Variants in TTC23 observed in about 807,000 individuals in gnomAD.
The protein encoded by TTC23 is tetratricopeptide repeat domain 23, also known as tetratricopeptide repeat protein 23.
In TTC23, 58 loss-of-function variants were observed where a neutral mutation model predicts 55.1. The ratio of observed to expected loss-of-function variants is 1.05; its 90% CI spans 0.85 to 1.31. The LOEUF is 1.31. Ranked by LOEUF, TTC23 falls within the 50% of genes most tolerant of loss-of-function variation. The pLI, the probability that TTC23 is intolerant of heterozygous loss-of-function variation, is 0.00. For synonymous variants in TTC23, 203 were observed against 199.9 expected (o/e 1.02, Z -0.13); for missense variants, 516 against 534.4 (o/e 0.97, Z 0.34).
At chr15:99,154,531 C>T (rs782198353) in intron 12 of TTC23, among the ~76,000 whole-genome samples, 1 of 152,130 alleles carries the variant, frequency 6.6e-6, no homozygotes, top group Non-Finnish European at 1.5e-5. Context: ...TTGCTTTCTG[C>T]CAAGGGATGA....
At chr15:99,164,811 C>G (rs865827394) in intron 10 of TTC23, among the ~76,000 whole-genome samples, 13 of 152,166 alleles carry the variant, frequency 8.5e-5, no homozygotes, top group African/African-American at 3.1e-4. Flanking sequence ...GTACAGCTCT[C>G]TAGAACACAC....
At chr15:99,232,344 T>C (rs1218673027) in intron 4 of TTC23, among the ~76,000 whole-genome samples, 4 of 151,454 alleles carry the variant, frequency 2.6e-5, no homozygotes, top group Non-Finnish European at 5.9e-5. Context: ...CTGGGCGTGG[T>C]GGCACATGCC....
chr15:99,170,896 G>T lies in TTC23; in HGVS notation c.865+4154C>A, dbSNP rs930574208. On this transcript the variant is annotated intron_variant, in intron 10 of 13. Coordinates refer to ENST00000394132, the MANE Select transcript of TTC23 (RefSeq NM_001288615.3). ...CACGTGCAACACGTGCTGGCCTGGG[G>T]AGCTCTTTTCCAGCCTTTCCCACAT... 3.0e-4 allele frequency among the ~76,000 whole-genome samples: 46 copies of T among 152,364 alleles called. 1 individual carries two copies. The highest frequency in any genetic ancestry group is 1.1e-3 in the African/African-American group (44 of 41,590).
Position 99,218,662 on chromosome 15 carries a change from C to T in TTC23, c.507G>A (p.Glu169=). ...NLTKAERLSK[E]LLQCGRIIKE... Reference sequence around the variant, plus strand: ...TTATAATTCTTCCACATTGTAGCAGCTCCTTTGAAAGTCTCTCTGCTTTTG... The same window carrying T: ...TTATAATTCTTCCACATTGTAGCAGTTCCTTTGAAAGTCTCTCTGCTTTTG... The change falls in exon 8 of 14, where the codon GAG becomes GAA. Residue 169 remains glutamate (E), a synonymous_variant. Transcript: ENST00000394132. The T allele has an allele frequency of 6.2e-7, 1 of 1,614,180 alleles. No homozygotes were observed.
At chr15:99,249,008 T>C (rs958775957) in intron 1 of TTC23, among the ~76,000 whole-genome samples, 163 bp downstream of exon 1, 1 of 152,180 alleles carries the variant, frequency 6.6e-6, no homozygotes, top group African/African-American at 2.4e-5. Flanking sequence ...AGATATATTA[T>C]CTATTATGCC....
chr15:99,185,693 A>AT (rs1186602981), intron 9 of TTC23, among the ~76,000 whole-genome samples: 1 of 152,158 alleles, frequency 6.6e-6, no homozygotes, highest in Non-Finnish European at 1.5e-5. Context: ...GGATAGGAAA[A>AT]TAAGGTTTTA....
intron 6 of TTC23, among the ~76,000 whole-genome samples, chr15:99,221,418 C>G (rs2077914630): frequency 1.3e-5 from 2 of 152,166 alleles, no homozygotes; most frequent in African/African-American, 4.8e-5. Context: ...CCATTCTGGG[C>G]CCCTATTCCA....
chr15:99,209,720 T>A (rs184114925), intron 8 of TTC23, among the ~76,000 whole-genome samples: 1 of 152,114 alleles, frequency 6.6e-6, no homozygotes, highest in African/African-American at 2.4e-5. Flanking sequence ...GTAGCTAGTG[T>A]GGTTTTAAAA....
chr15:99,210,448 A>G (rs1365003915), intron 8 of TTC23, among the ~76,000 whole-genome samples: 1 of 152,220 alleles, frequency 6.6e-6, no homozygotes, highest in Non-Finnish European at 1.5e-5. Context: ...TCCCAGAGAA[A>G]AAAAGCAATT....
chr15:99,144,854 A>G (rs1324771849), intron 12 of TTC23: 2 of 152,220 alleles, frequency 1.3e-5, no homozygotes, highest in African/African-American at 2.4e-5. Flanking sequence ...CCAATGCCAG[A>G]TTACGTCCAC....
chr15:99,228,449 G>A (rs2078648704), intron 5 of TTC23, 84 bp downstream of exon 5: 7 of 1,264,864 alleles, frequency 5.5e-6, no homozygotes, highest in Non-Finnish European at 6.4e-6. Flanking sequence ...GATTAGGAAT[G>A]TAATCCAAAA....
At chr15:99,226,866 C>T (rs1223954) in intron 5 of TTC23, among the ~76,000 whole-genome samples, 92,366 of 152,028 alleles carry the variant, frequency 0.61, 28,629 homozygotes, top group East Asian at 0.75. Context: ...TATAATAATC[C>T]GGTTCATTTA....
At chr15:99,214,473 A>C (rs1461084371) in intron 8 of TTC23, among the ~76,000 whole-genome samples, 2 of 132,148 alleles carry the variant, frequency 1.5e-5, no homozygotes, top group East Asian at 4.5e-4. Context: ...GCGCCATTGC[A>C]CTCCAGCCTG....
chr15:99,162,943 T>C (rs1011003095), intron 10 of TTC23, among the ~76,000 whole-genome samples: 2 of 151,386 alleles, frequency 1.3e-5, no homozygotes, highest in Non-Finnish European at 2.9e-5. Flanking sequence ...ATTAGCCAGA[T>C]GTGATGATGT....
intron 10 of TTC23, among the ~76,000 whole-genome samples, 188 bp from the exon 11 acceptor site, chr15:99,162,055 C>T: frequency 6.6e-6 from 1 of 152,186 alleles, no homozygotes; most frequent in East Asian, 1.9e-4. Flanking sequence ...TTGAAGGATA[C>T]CGTAATTTAC....
At chr15:99,227,865 G>A (rs1160634425) in intron 5 of TTC23, among the ~76,000 whole-genome samples, 1 of 152,204 alleles carries the variant, frequency 6.6e-6, no homozygotes, top group African/African-American at 2.4e-5. Context: ...CGAAGAAAGT[G>A]TGCCTTAACT....
intron 11 of TTC23, chr15:99,157,835 A>G (rs1427831637): frequency 3.3e-5 from 5 of 152,212 alleles, no homozygotes; most frequent in African/African-American, 9.6e-5. Context: ...AAGTATGTCA[A>G]TCCTCCATAC....
intron 4 of TTC23, 34 bp from the exon 5 acceptor site, chr15:99,228,766 G>T: frequency 7.0e-7 from 1 of 1,432,388 alleles, no homozygotes; most frequent in Non-Finnish European, 9.4e-7. Context: ...GATGTTAAAT[G>T]ATAATTTCCA....
At chr15:99,201,384 C>G (rs2076184677) in intron 8 of TTC23, among the ~76,000 whole-genome samples, 1 of 152,100 alleles carries the variant, frequency 6.6e-6, no homozygotes, top group Non-Finnish European at 1.5e-5. Context: ...AATTTATAAT[C>G]CCTCCTATGT....
Sources: gnomAD v4.1 joint callset for allele counts (sites outside exome capture counted in the v4.1 genomes callset) on GRCh38, gnomAD v4.1.1 for gene constraint, MANE v1.5 for transcripts, NCBI Gene and HGNC (gene_info 2026-07-23, HGNC 2026-07-21) for gene names.